GALNTL6: variants seen among roughly 807,000 people sequenced by gnomAD.
The protein encoded by GALNTL6 is polypeptide N-acetylgalactosaminyltransferase like 6, also known as polypeptide N-acetylgalactosaminyltransferase-like 6.
A neutral mutation model predicts 73.7 loss-of-function variants in GALNTL6; 46 were observed. That is an observed-to-expected ratio of 0.62 (90% CI 0.49 to 0.80). GALNTL6 has a LOEUF of 0.80. Among genes scored for constraint, GALNTL6 ranks in the 30% least tolerant of loss-of-function variants. GALNTL6 has a pLI of 0.00. For missense variants in GALNTL6, 604 were observed against 755.0 expected (o/e 0.80, Z 2.34); for synonymous variants, 259 against 263.7 (o/e 0.98, Z 0.17).
chr4:171,836,860 A>G (rs988439108), intron 2 of GALNTL6, among the ~76,000 whole-genome samples: 1 of 152,284 alleles, frequency 6.6e-6, no homozygotes, highest in East Asian at 1.9e-4. Flanking sequence ...TCTTCATTAT[A>G]GAAGAGAGTT....
chr4:171,830,040 A>G (rs1298547315), intron 2 of GALNTL6, among the ~76,000 whole-genome samples: 1 of 152,092 alleles, frequency 6.6e-6, no homozygotes, highest in Admixed American at 6.6e-5. Flanking sequence ...AGATATGAAG[A>G]CAGAGGCAGA....
intron 5 of GALNTL6, among the ~76,000 whole-genome samples, chr4:172,592,587 T>C (rs1737678908): frequency 6.6e-6 from 1 of 152,180 alleles, no homozygotes; most frequent in Non-Finnish European, 1.5e-5. Flanking sequence ...AACTCCTTTG[T>C]TATTTTTAGC....
chr4:172,155,153 A>T (rs976689282), intron 2 of GALNTL6, among the ~76,000 whole-genome samples: 2 of 150,568 alleles, frequency 1.3e-5, no homozygotes, highest in African/African-American at 4.8e-5. Context: ...GCCTGCCACC[A>T]CGCCCAGCTA....
At chr4:172,137,760 A>G (rs987595867) in intron 2 of GALNTL6, among the ~76,000 whole-genome samples, 1 of 152,178 alleles carries the variant, frequency 6.6e-6, no homozygotes, top group Admixed American at 6.6e-5. Flanking sequence ...ATGAGAATCT[A>G]CTCATTCAAA....
At chr4:172,994,881 T>C (rs1289364094) in intron 10 of GALNTL6, among the ~76,000 whole-genome samples, 1 of 152,212 alleles carries the variant, frequency 6.6e-6, no homozygotes, top group Admixed American at 6.5e-5. Flanking sequence ...CATGGACTAA[T>C]GGTCCTGAAT....
intron 3 of GALNTL6, among the ~76,000 whole-genome samples, chr4:172,265,662 G>T (rs1262900514): frequency 2.6e-5 from 4 of 151,980 alleles, no homozygotes; most frequent in Middle Eastern, 3.2e-3. Context: ...CAAAGAAAGA[G>T]ATCTCCTTTT....
At chr4:172,093,581 G>T (rs565341469) in intron 2 of GALNTL6, among the ~76,000 whole-genome samples, 15 of 152,212 alleles carry the variant, frequency 9.9e-5, no homozygotes, top group Admixed American at 2.0e-4. Context: ...TGAGTAGCCC[G>T]CAAGGGAGCA....
chr4:172,383,570 C>A (rs534493734), intron 5 of GALNTL6, among the ~76,000 whole-genome samples: 1 of 152,220 alleles, frequency 6.6e-6, no homozygotes, highest in South Asian at 2.1e-4. Context: ...TCTTTCCAAT[C>A]TGAATACTTA....
At chr4:172,185,637 G>A (rs910791664) in intron 2 of GALNTL6, among the ~76,000 whole-genome samples, 1 of 152,142 alleles carries the variant, frequency 6.6e-6, no homozygotes, top group East Asian at 1.9e-4. Flanking sequence ...GAGATGATCA[G>A]TTTTTGTGCC....
Position 172,809,436 on chromosome 4 carries a change from A to G in GALNTL6, c.629A>G (p.Glu210Gly). ...AGGATTGTTCGCACCAAGAAAAGAG[A>G]AGGACTCATCCGGACCCGTCTCCTG... The part of the protein sequence containing the change: ...KVRIVRTKKR[E>G]GLIRTRLLGA... The change falls in exon 6 of 13, where the codon GAA (glutamate) becomes GGA (glycine). Residue 210 changes from glutamate to glycine, a missense_variant. Physicochemically the swap from Glu to Gly is moderately conservative, Grantham distance 98. This residue lies in a region of GALNTL6 where 179 missense variants were observed against 230.8 expected (regional missense o/e 0.78). Coordinates refer to ENST00000506823, the MANE Select transcript of GALNTL6 (RefSeq NM_001034845.3). The surrounding 1 kb of genome is among the most constrained non-coding windows in gnomAD (Gnocchi z 4.4). The G allele has an allele frequency of 1.2e-6, 2 of 1,613,866 alleles. No individual in the cohort carries two copies. The highest frequency in any genetic ancestry group is 1.7e-6 in the Non-Finnish European group (2 of 1,179,842).
chr4:172,467,186 A>G (rs1225491821), intron 5 of GALNTL6, among the ~76,000 whole-genome samples: 2 of 152,232 alleles, frequency 1.3e-5, no homozygotes, highest in Non-Finnish European at 2.9e-5. Flanking sequence ...GATAATTAAA[A>G]CCAGCACAAT....
rs573466077 is a variant in GALNTL6, at chr4:172,818,867, G to T, written c.923+5144G>T. The stretch of plus-strand genomic sequence containing the variant: ...CCGCCTTAGCCTCCCAAAGTGTTGG[G>T]ATTACAGGCATGAGCCACCGCACTT... On this transcript the variant is annotated intron_variant, in intron 7 of 12. Coordinates refer to ENST00000506823, the MANE Select transcript of GALNTL6 (RefSeq NM_001034845.3). Among the ~76,000 whole-genome samples the T allele has an allele frequency of 2.0e-5, 3 of 152,320 alleles. No homozygotes were observed. The East Asian group carries it at 5.8e-4, about 29-fold the overall frequency.
At chr4:172,326,342 T>C (rs182314861) in intron 4 of GALNTL6, among the ~76,000 whole-genome samples, 52 of 152,128 alleles carry the variant, frequency 3.4e-4, no homozygotes, top group African/African-American at 1.3e-3. Context: ...CTGTATTTAC[T>C]TACAGTTCTA....
At chr4:171,942,641 C>T (rs1484035426) in intron 2 of GALNTL6, among the ~76,000 whole-genome samples, 1 of 152,112 alleles carries the variant, frequency 6.6e-6, no homozygotes, top group East Asian at 1.9e-4. Context: ...TCTTTTTCAC[C>T]TACAGAATAT....
intron 7 of GALNTL6, among the ~76,000 whole-genome samples, chr4:172,868,026 C>G (rs1744745474): frequency 6.6e-6 from 1 of 152,156 alleles, no homozygotes; most frequent in African/African-American, 2.4e-5. Context: ...CATCATATTA[C>G]AGAGGCCAGA....
At chr4:172,833,161 G>A (rs964397952) in intron 7 of GALNTL6, among the ~76,000 whole-genome samples, 10 of 152,120 alleles carry the variant, frequency 6.6e-5, no homozygotes, top group African/African-American at 1.9e-4. Context: ...AATATCCATT[G>A]CACCTGGCCG....
rs959630032 is a variant in GALNTL6, at chr4:172,901,593, C to T, written c.1041+18686C>T. ...CAAAAGACTTACAAATGGTCATTAT[C>T]ATGCATCTTTGTTTCCTGTTTACCC... On this transcript the variant is annotated intron_variant, in intron 8 of 12. Transcript: ENST00000506823. Among the ~76,000 whole-genome samples, 24 of 152,260 alleles carry T rather than the reference C, an allele frequency of 1.6e-4. No individual in the cohort carries two copies. In the Middle Eastern group the frequency reaches 0.01, roughly 65 times the overall value.
intron 5 of GALNTL6, among the ~76,000 whole-genome samples, chr4:172,574,912 G>A (rs908023228): frequency 1.3e-4 from 19 of 141,214 alleles, no homozygotes; most frequent in Non-Finnish European, 2.6e-4. Flanking sequence ...AAGCGTGCAT[G>A]CATGCATGTG....
chr4:172,811,326 T>C (rs1365030643), intron 6 of GALNTL6, among the ~76,000 whole-genome samples: 1 of 152,182 alleles, frequency 6.6e-6, no homozygotes, highest in East Asian at 1.9e-4. Flanking sequence ...AAAAGGAAAT[T>C]TGAAGGAAAA....
Sources: gnomAD v4.1 joint callset for allele counts (sites outside exome capture counted in the v4.1 genomes callset) on GRCh38, gnomAD v4.1.1 for gene constraint, gnomAD v4.1.1 regional missense constraint, Gnocchi (gnomAD v3.1) non-coding constraint, MANE v1.5 for transcripts, NCBI Gene and HGNC (gene_info 2026-07-23, HGNC 2026-07-21) for gene names.